KCNIP4: variants seen among roughly 807,000 people sequenced by gnomAD.
KCNIP4 encodes the protein Kv channel-interacting protein 4.
A neutral mutation model predicts 34.0 loss-of-function variants in KCNIP4; 12 were observed. The observed-to-expected ratio is 0.35, with a 90% confidence interval of 0.23 to 0.57. KCNIP4 has a LOEUF of 0.57. Among genes scored for constraint, KCNIP4 ranks in the 20% least tolerant of loss-of-function variants. The pLI, the probability that KCNIP4 is intolerant of heterozygous loss-of-function variation, is 0.83. For missense variants in KCNIP4, 238 were observed against 311.7 expected (o/e 0.76, Z 1.78); for synonymous variants, 124 against 102.2 (o/e 1.21, Z -1.29).
intron 1 of KCNIP4, among the ~76,000 whole-genome samples, chr4:21,938,207 G>C (rs930267839): frequency 6.6e-6 from 1 of 152,016 alleles, no homozygotes; most frequent in Non-Finnish European, 1.5e-5. Context: ...AGCTTTCTAC[G>C]ACTATCCCAC....
rs570720240 is a variant in KCNIP4, at chr4:21,820,914, A to C, written c.61+127657T>G. Reference sequence around the variant, plus strand: ...TGAAAAATAATTGTCATTTTTAACTAAACATTATGCAACTGATAACTGAAC... The same window carrying C: ...TGAAAAATAATTGTCATTTTTAACTCAACATTATGCAACTGATAACTGAAC... On this transcript the variant is annotated intron_variant, in intron 1 of 8. Transcript: ENST00000382152. 3.9e-5 allele frequency among the ~76,000 whole-genome samples: 6 copies of C among 152,264 alleles called. No individual in the cohort carries two copies. In the East Asian group the frequency reaches 1.2e-3, roughly 29 times the overall value.
Position 21,913,765 on chromosome 4 carries a change from G to T in KCNIP4, c.61+34806C>A, listed in dbSNP as rs560974661. Among the ~76,000 whole-genome samples the T allele has an allele frequency of 1.6e-3, 251 of 152,260 alleles. 1 individual carries two copies. The highest frequency in any genetic ancestry group is 4.1e-3 in the Admixed American group (62 of 15,290). On this transcript the variant is annotated intron_variant, in intron 1 of 8. Transcript: ENST00000382152. ...GGACTATTGAAAAAAATATGGCAGG[G>T]TAAGAGATTATAGCATTTGGGAGTG... is the stretch of plus-strand genomic sequence containing the variant.
intron 1 of KCNIP4, among the ~76,000 whole-genome samples, chr4:21,403,241 C>A (rs1388292582): frequency 6.6e-6 from 1 of 152,208 alleles, no homozygotes; most frequent in African/African-American, 2.4e-5. Context: ...TGGAAGGCCC[C>A]AAGGGCTGTC....
intron 1 of KCNIP4, among the ~76,000 whole-genome samples, chr4:21,615,588 C>T (rs1324456245): frequency 6.6e-6 from 1 of 151,498 alleles, no homozygotes; most frequent in Non-Finnish European, 1.5e-5. Flanking sequence ...ATAAAAGTAA[C>T]AAATATTCTA....
At chr4:21,612,751 C>T (rs1744258629) in intron 1 of KCNIP4, among the ~76,000 whole-genome samples, 2 of 152,130 alleles carry the variant, frequency 1.3e-5, no homozygotes, top group South Asian at 4.2e-4. Flanking sequence ...AATACTGTCA[C>T]CTTTAATCCA....
rs1560272584 is a variant in KCNIP4, at chr4:21,304,073, GAGAGAGAGAGAGAC to G, written c.62-421378_62-421365del. The G allele has an allele frequency of 1.8e-3, 420 of 235,680 alleles. 5 individuals are homozygous for G. The highest frequency in any genetic ancestry group is 5.7e-3 in the Admixed American group (49 of 8,606). 14.6% of individuals were successfully genotyped at this position (235,680 alleles called of 1,614,324 possible). ...AGAGAGAGAGAGAGAGAGAGACAGA[GAGAGAGAGAGAGAC>G]AGAGAGAGAGAGAGAGAGAGACAGA... On this transcript the variant is annotated intron_variant, in intron 1 of 8. Coordinates refer to ENST00000382152, the MANE Select transcript of KCNIP4 (RefSeq NM_025221.6).
chr4:21,687,766 A>G (rs1159138319), intron 1 of KCNIP4, among the ~76,000 whole-genome samples: 2 of 152,148 alleles, frequency 1.3e-5, no homozygotes, highest in Non-Finnish European at 2.9e-5. Context: ...AACAATGATA[A>G]TATGAAAATA....
chr4:20,830,970 T>G (rs1168344471), intron 3 of KCNIP4, among the ~76,000 whole-genome samples: 2 of 152,198 alleles, frequency 1.3e-5, no homozygotes, highest in Non-Finnish European at 2.9e-5. Flanking sequence ...GTAAGTTAGT[T>G]GACTTCAGGA....
chr4:21,553,477 G>A (rs774943546), intron 1 of KCNIP4, among the ~76,000 whole-genome samples: 13 of 152,128 alleles, frequency 8.5e-5, no homozygotes, highest in Non-Finnish European at 1.5e-4. Flanking sequence ...GAAGCATGGA[G>A]ACTGAGATGG....
At chr4:21,926,026 A>C (rs1213914021) in intron 1 of KCNIP4, among the ~76,000 whole-genome samples, 1 of 152,196 alleles carries the variant, frequency 6.6e-6, no homozygotes, top group African/African-American at 2.4e-5. Context: ...GAAAGAACAA[A>C]ATGATATATA....
At chr4:21,663,432 T>C (rs1228071948) in intron 1 of KCNIP4, among the ~76,000 whole-genome samples, 1 of 152,130 alleles carries the variant, frequency 6.6e-6, no homozygotes, top group Non-Finnish European at 1.5e-5. Flanking sequence ...GTGTAAGCCT[T>C]TGGGAGCACC....
At chr4:21,882,875 T>C (rs1480735435) in intron 1 of KCNIP4, among the ~76,000 whole-genome samples, 1 of 152,152 alleles carries the variant, frequency 6.6e-6, no homozygotes, top group African/African-American at 2.4e-5. Flanking sequence ...TGTGAGCTTC[T>C]GAGGTACTAT....
At chr4:21,328,198 G>A (rs940459507) in intron 1 of KCNIP4, among the ~76,000 whole-genome samples, 1 of 152,036 alleles carries the variant, frequency 6.6e-6, no homozygotes, top group African/African-American at 2.4e-5. Context: ...TGTCCTTCAG[G>A]GAAAGGATTT....
intron 1 of KCNIP4, among the ~76,000 whole-genome samples, chr4:21,707,750 A>G (rs1713397730): frequency 6.6e-6 from 1 of 152,058 alleles, no homozygotes; most frequent in Non-Finnish European, 1.5e-5. Context: ...ATGGGCTTGG[A>G]ATTTGGATTC....
rs147443627 is a variant in KCNIP4 at position 21,320,194 on chromosome 4, G to C, written c.62-437485C>G. On this transcript the variant is annotated intron_variant, in intron 1 of 8. Coordinates refer to ENST00000382152, the MANE Select transcript of KCNIP4 (RefSeq NM_025221.6). ...CACAACAACAAACACAATTTCATCTGATAAGCAAGTTATCTTCAAGGAAGC... is the reference window on the plus strand; with the variant it reads ...CACAACAACAAACACAATTTCATCTCATAAGCAAGTTATCTTCAAGGAAGC... 2.0e-4 allele frequency among the ~76,000 whole-genome samples: 30 copies of C among 152,304 alleles called. No homozygotes were observed. The East Asian group carries it at 5.6e-3, about 28-fold the overall frequency.
intron 1 of KCNIP4, among the ~76,000 whole-genome samples, chr4:21,242,020 C>T (rs761193212): frequency 9.9e-5 from 15 of 151,886 alleles, no homozygotes; most frequent in African/African-American, 1.4e-4. Flanking sequence ...AAAAATTAGC[C>T]AGGCGTGGTG....
chr4:21,252,512 G>A (rs1024773037), intron 1 of KCNIP4, among the ~76,000 whole-genome samples: 1 of 152,058 alleles, frequency 6.6e-6, no homozygotes, highest in Non-Finnish European at 1.5e-5. Flanking sequence ...AAAATGAAAT[G>A]TGATGAGAAA....
intron 1 of KCNIP4, among the ~76,000 whole-genome samples, chr4:20,916,079 G>C (rs553590212): frequency 2.3e-4 from 35 of 151,854 alleles, no homozygotes; most frequent in African/African-American, 7.5e-4. Context: ...GACAGCTTCA[G>C]AGAAAAAAAA....
chr4:21,431,756 G>T (rs571394584), intron 1 of KCNIP4, among the ~76,000 whole-genome samples: 41 of 151,808 alleles, frequency 2.7e-4, no homozygotes, highest in African/African-American at 9.4e-4. Flanking sequence ...ATAGCCAATG[G>T]ATTACAATGA....
Sources: allele counts gnomAD v4.1 joint callset (sites outside exome capture counted in the v4.1 genomes callset), GRCh38; gene constraint gnomAD v4.1.1; transcripts MANE v1.5; gene names NCBI Gene and HGNC (gene_info 2026-07-23, HGNC 2026-07-21).